BRAF: variants seen among roughly 807,000 people sequenced by gnomAD.
The protein encoded by BRAF is B-Raf proto-oncogene, serine/threonine kinase.
BRAF carries 16 observed loss-of-function variants against 104.6 expected under a neutral mutation model. The ratio of observed to expected loss-of-function variants is 0.15; its 90% confidence interval spans 0.10 to 0.23. The LOEUF (loss-of-function observed/expected upper bound fraction) is 0.23, where lower values mean the gene tolerates loss of function less well. Ranked by LOEUF, BRAF falls within the 10% of genes least tolerant of loss-of-function variation. BRAF has a pLI of 1.00. For synonymous variants in BRAF, 310 were observed against 341.6 expected (o/e 0.91, Z 1.02); for missense variants, 541 against 937.3 (o/e 0.58, Z 5.52).
rs200877290 is a variant in BRAF, at chr7:140,908,993, T to TC, written c.138+15572_138+15573insG. Among the ~76,000 whole-genome samples, 7 of 148,296 alleles carry TC rather than the reference T, an allele frequency of 4.7e-5. No individual in the cohort carries two copies. In the South Asian group the frequency reaches 8.3e-4, roughly 18 times the overall value. ...TCTGCAACTGCTCTACGTTTTCTTT[T>TC]TTTTTTTTTTTTTTTAATACTGTTT... On this transcript the variant is annotated intron_variant, in intron 1 of 19. Coordinates refer to ENST00000644969, the MANE Select transcript of BRAF (RefSeq NM_001374258.1).
chr7:140,816,339 A>G (rs1379400674), intron 3 of BRAF, among the ~76,000 whole-genome samples: 2 of 152,214 alleles, frequency 1.3e-5, no homozygotes, highest in Non-Finnish European at 2.9e-5. Flanking sequence ...TGTTGCTAAA[A>G]ATAAAAGGAG....
At chr7:140,753,227 T>A (rs759260016) in intron 16 of BRAF, 48 bp downstream of exon 15, 2 of 1,407,270 alleles carry the variant, frequency 1.4e-6, no homozygotes, top group African/African-American at 2.8e-5. Flanking sequence ...CTCAGCAGCA[T>A]CTCAGGGCCA....
rs144831287 is a variant in BRAF, at chr7:140,792,962, T to C, written c.1140+1346A>G. On this transcript the variant is annotated intron_variant, in intron 8 of 19. Transcript: ENST00000644969. The stretch of plus-strand genomic sequence containing the variant: ...CTGACAGTTGCAGAAGGAATGGAAA[T>C]AGATAGAGAGAAATCAATGGCAGAA... Among the ~76,000 whole-genome samples, 104 of 152,204 alleles carry C rather than the reference T, an allele frequency of 6.8e-4. 1 individual carries two copies. The highest frequency in any genetic ancestry group is 2.0e-3 in the African/African-American group (85 of 41,514).
At chr7:140,737,464 T>C (rs558234916) in intron 18 of BRAF, among the ~76,000 whole-genome samples, 8 of 152,246 alleles carry the variant, frequency 5.3e-5, no homozygotes, top group Admixed American at 2.6e-4. Context: ...CATTTGTATT[T>C]ATTATGTGAA....
chr7:140,725,622 C>T lies in BRAF; in HGVS notation c.*872G>A. The T allele has an allele frequency of 9.5e-7, 1 of 1,058,078 alleles. No homozygotes were observed. The highest frequency in any genetic ancestry group is 1.1e-6 in the Non-Finnish European group (1 of 875,004). 65.5% of individuals were successfully genotyped at this position (1,058,078 alleles called of 1,614,324 possible). A position where few individuals can be genotyped will look rare whatever the true frequency, so the allele number is the denominator to read the frequency against. ...TTTTGTGCCCTGGACAAAGTAGCCG[C>T]ATAAGTAGTTGGTGACTGGAAGAGC... On this transcript the variant is annotated 3_prime_UTR_variant, in exon 20 of 20. Coordinates refer to ENST00000644969, the MANE Select transcript of BRAF (RefSeq NM_001374258.1).
In BRAF at chr7:140,720,851, C is replaced by T. The variant is rs763846043; in HGVS notation, c.*5643G>A. The stretch of plus-strand genomic sequence containing the variant: ...CAGGACTAAGCAACTTCATCAAAAC[C>T]CCCAATCCCACCCGTCAACAGACCC... On this transcript the variant is annotated 3_prime_UTR_variant, in exon 20 of 20. Transcript: ENST00000644969. The T allele has an allele frequency of 1.5e-4, 165 of 1,065,924 alleles. No individual in the cohort carries two copies. Among genetic ancestry groups the T allele is most frequent in the Non-Finnish European group, 1.8e-4 (158 of 879,844 alleles). 66.0% of individuals were successfully genotyped at this position (1,065,924 alleles called of 1,614,324 possible). A position where few individuals can be genotyped will look rare whatever the true frequency, so the allele number is the denominator to read the frequency against.
intron 1 of BRAF, among the ~76,000 whole-genome samples, chr7:140,872,098 C>T (rs1811659008): frequency 6.6e-6 from 1 of 152,034 alleles, no homozygotes; most frequent in Non-Finnish European, 1.5e-5. Flanking sequence ...GCCTGCAGTC[C>T]CAGCTACTTG....
At chr7:140,792,204 C>A (rs1169372483) in intron 8 of BRAF, among the ~76,000 whole-genome samples, 2 of 152,164 alleles carry the variant, frequency 1.3e-5, no homozygotes, top group Non-Finnish European at 2.9e-5. Context: ...GTTTAAATAT[C>A]ATTTCTTGTC....
rs982469471 is a variant in BRAF at position 140,724,001 on chromosome 7, A to G, written c.*2493T>C. The G allele has an allele frequency of 1.1e-5, 11 of 1,042,358 alleles. No individual in the cohort carries two copies. Among genetic ancestry groups the G allele is most frequent in the South Asian group, 4.6e-5 (1 of 21,740 alleles). 64.6% of individuals were successfully genotyped at this position (1,042,358 alleles called of 1,614,324 possible). On this transcript the variant is annotated 3_prime_UTR_variant, in exon 20 of 20. Coordinates refer to ENST00000644969, the MANE Select transcript of BRAF (RefSeq NM_001374258.1). ...AAAAAGGAAGAAAAGAGAGGTTTAA[A>G]TATTTTATTTTTTAAGGTATCTATA...
chr7:140,717,893 T>A (rs1795170774), downstream of BRAF, among the ~76,000 whole-genome samples: 1 of 152,176 alleles, frequency 6.6e-6, no homozygotes, highest in Non-Finnish European at 1.5e-5. Flanking sequence ...TTGACATTTA[T>A]TTTTATTTTT....
intron 1 of BRAF, among the ~76,000 whole-genome samples, chr7:140,902,049 G>A (rs1815708046): frequency 6.6e-6 from 1 of 152,166 alleles, no homozygotes; most frequent in African/African-American, 2.4e-5. Flanking sequence ...TCATCATATT[G>A]TGCTTTGCTT....
chr7:140,810,855 CCTT>C (rs1804185770), intron 3 of BRAF, among the ~76,000 whole-genome samples: 1 of 152,230 alleles, frequency 6.6e-6, no homozygotes, highest in Non-Finnish European at 1.5e-5. Context: ...CTTTCTCTTG[CCTT>C]CTTGTTTCAA....
At chr7:140,857,984 C>T (rs1293502106) in intron 1 of BRAF, among the ~76,000 whole-genome samples, 4 of 152,028 alleles carry the variant, frequency 2.6e-5, no homozygotes, top group Admixed American at 6.6e-5. Flanking sequence ...TGCATGTATC[C>T]CGCCTTTTTA....
intron 1 of BRAF, among the ~76,000 whole-genome samples, chr7:140,854,430 C>T (rs1214465900): frequency 3.3e-5 from 5 of 151,916 alleles, no homozygotes; most frequent in Non-Finnish European, 7.4e-5. Context: ...GAAAACAGGT[C>T]ATCCTAGTTC....
intron 1 of BRAF, among the ~76,000 whole-genome samples, chr7:140,885,940 T>C (rs992609250): frequency 6.6e-6 from 1 of 152,126 alleles, no homozygotes; most frequent in African/African-American, 2.4e-5. Flanking sequence ...ATACTCACTG[T>C]AATAGTTTGG....
At chr7:140,826,447 G>A (rs940486361) in intron 3 of BRAF, among the ~76,000 whole-genome samples, 18 of 151,934 alleles carry the variant, frequency 1.2e-4, no homozygotes, top group African/African-American at 4.4e-4. Flanking sequence ...TTATCTTTTC[G>A]TATTTGCTTT....
chr7:140,780,461 C>T (rs1190612128), intron 12 of BRAF: 3 of 152,042 alleles, frequency 2.0e-5, no homozygotes, highest in Admixed American at 6.6e-5. Context: ...AAGCTGGTCT[C>T]GAACTCCTGA....
intron 3 of BRAF, among the ~76,000 whole-genome samples, chr7:140,833,522 T>G (rs1195564601): frequency 6.6e-6 from 1 of 152,196 alleles, no homozygotes; most frequent in African/African-American, 2.4e-5. Context: ...TGCTTAGTAA[T>G]TCCCCATCTT....
At chr7:140,734,407 G>A (rs1796210322) in intron 19 of BRAF, 11 of 1,471,348 alleles carry the variant, frequency 7.5e-6, no homozygotes, top group Admixed American at 2.3e-5. Context: ...ACCCTTGGAT[G>A]TTAAAAATCC....
Sources: allele counts gnomAD v4.1 joint callset (sites outside exome capture counted in the v4.1 genomes callset), GRCh38; gene constraint gnomAD v4.1.1; transcripts MANE v1.5; gene names NCBI Gene and HGNC (gene_info 2026-07-23, HGNC 2026-07-21).